The following FLRT1 variants were observed in gnomAD, a reference collection of about 807,000 sequenced individuals.
The protein encoded by FLRT1 is leucine-rich repeat transmembrane protein FLRT1.
Under a neutral mutation model 30.9 loss-of-function variants are expected in FLRT1, and 14 were observed. The ratio of observed to expected loss-of-function variants is 0.45; its 90% CI spans 0.30 to 0.71. The LOEUF (loss-of-function observed/expected upper bound fraction) is 0.71, where lower values mean the gene tolerates loss of function less well. FLRT1 is among the 30% of genes least tolerant of loss of function. FLRT1 has a pLI of 0.08. For synonymous variants in FLRT1, 368 were observed against 430.4 expected (o/e 0.85, Z 1.80); for missense variants, 737 against 949.2 (o/e 0.78, Z 2.94).
chr11:64,099,037 C>T (rs1184852736), intron 1 of FLRT1, among the ~76,000 whole-genome samples: 1 of 152,214 alleles, frequency 6.6e-6, no homozygotes, highest in African/African-American at 2.4e-5. Flanking sequence ...GTTTCTACTT[C>T]GGGAGGAAGC....
chr11:64,095,562 T>C (rs2134538951), intron 1 of FLRT1, among the ~76,000 whole-genome samples: 1 of 151,874 alleles, frequency 6.6e-6, no homozygotes, highest in East Asian at 1.9e-4. Context: ...GCAGAGCTGG[T>C]GGGAGGGAAG....
At chr11:64,044,765 C>T (rs320139) in intron 1 of FLRT1, among the ~76,000 whole-genome samples, 1,765 of 152,210 alleles carry the variant, frequency 0.012, 29 homozygotes, top group African/African-American at 0.039. Context: ...ATCTGTCATG[C>T]TCCCCCCTCA....
chr11:64,045,085 G>T (rs909158026), intron 1 of FLRT1, among the ~76,000 whole-genome samples: 1 of 152,240 alleles, frequency 6.6e-6, no homozygotes, highest in African/African-American at 2.4e-5. Flanking sequence ...GGGCTGAGGG[G>T]GAGCAGTCCG....
Position 64,067,479 on chromosome 11 carries a change from G to T in FLRT1, c.-1038+31320G>T, listed in dbSNP as rs900067637. ...AGACGCCCAGCTCAGATAACAGAAGGGAGGAGATAGGTCGGGGACGGGGAC... is the reference window on the plus strand; with the variant it reads ...AGACGCCCAGCTCAGATAACAGAAGTGAGGAGATAGGTCGGGGACGGGGAC... On this transcript the variant is annotated intron_variant, in intron 1 of 2. Coordinates refer to ENST00000682287, the MANE Select transcript of FLRT1 (RefSeq NM_013280.5). This position sits in a 1 kb window ranked among gnomAD's most constrained non-coding sequence, Gnocchi z 4.6. Among the ~76,000 whole-genome samples, 2 of 152,142 alleles carry T rather than the reference G, an allele frequency of 1.3e-5. No homozygotes were observed. Among genetic ancestry groups the T allele is most frequent in the African/African-American group, 4.8e-5 (2 of 41,424 alleles).
At position 64,116,314 on chromosome 11, in the gene FLRT1, CCACTGT is replaced by C; in HGVS notation, c.51_56del (p.Val18_Thr19del). On this transcript the variant is annotated inframe_deletion, in exon 3 of 3. Coordinates refer to ENST00000682287, the MANE Select transcript of FLRT1 (RefSeq NM_013280.5). The stretch of plus-strand genomic sequence containing the variant: ...GCCACTGCCACCACCACGCCCACTG[CCACTGT>C]CACGGCCACCGTTGTGATGACCACG... 1 of 1,608,634 alleles carries C rather than the reference CCACTGT, an allele frequency of 6.2e-7. No individual in the cohort carries two copies.
At chr11:64,085,343 C>T (rs1944374660) in intron 1 of FLRT1, among the ~76,000 whole-genome samples, 1 of 152,186 alleles carries the variant, frequency 6.6e-6, no homozygotes, top group Admixed American at 6.5e-5. Flanking sequence ...GCCCGCTGCT[C>T]CCACCCCAAA....
At chr11:64,105,062 C>T (rs902341674) in intron 2 of FLRT1, among the ~76,000 whole-genome samples, 17 of 152,236 alleles carry the variant, frequency 1.1e-4, no homozygotes, top group African/African-American at 2.4e-4. Context: ...TTCGTCAGCA[C>T]GGCGCAGCAT....
chr11:64,037,844 T>C (rs186236812), intron 1 of FLRT1, among the ~76,000 whole-genome samples: 162 of 152,334 alleles, frequency 1.1e-3, no homozygotes, highest in African/African-American at 3.6e-3. Context: ...TCCACCTCCC[T>C]GTGCCTCAGT....
chr11:64,037,732 A>C (rs1424780596), intron 1 of FLRT1, among the ~76,000 whole-genome samples: 1 of 152,158 alleles, frequency 6.6e-6, no homozygotes. Context: ...CCCTGACCCC[A>C]GCATGGAGGC....
At position 64,117,831 on chromosome 11, in the gene FLRT1, C is replaced by T. The variant is rs759608183; in HGVS notation, c.1564C>T (p.Pro522Ser). Residue 522 changes from proline (P) to serine (S), a missense_variant, in exon 3 of 3, where the codon CCC becomes TCC. By Grantham distance (74) the Pro-to-Ser change is moderately conservative. Coordinates refer to ENST00000682287, the MANE Select transcript of FLRT1 (RefSeq NM_013280.5). ...TSNAYVADET[P>S]VCAKAETADS... Reference sequence around the variant, plus strand: ...CAATGCCTACGTAGCTGATGAGACACCCGTGTGTGCCAAGGCAGAGACAGC... The same window carrying T: ...CAATGCCTACGTAGCTGATGAGACATCCGTGTGTGCCAAGGCAGAGACAGC... 1.2e-6 allele frequency: 2 copies of T among 1,614,208 alleles called. No homozygotes were observed. Among genetic ancestry groups the T allele is most frequent in the Non-Finnish European group, 1.7e-6 (2 of 1,180,046 alleles).
chr11:64,080,529 T>C (rs1944284515), intron 1 of FLRT1, among the ~76,000 whole-genome samples: 1 of 152,014 alleles, frequency 6.6e-6, no homozygotes, highest in South Asian at 2.1e-4. Flanking sequence ...GGGACAAAAA[T>C]AAGCACCTAA....
chr11:64,079,220 C>T lies in FLRT1; in HGVS notation c.-1037-23974C>T, dbSNP rs567390892. Among the ~76,000 whole-genome samples the T allele has an allele frequency of 2.1e-3, 321 of 151,828 alleles. 1 individual carries two copies. Among genetic ancestry groups the T allele is most frequent in the Non-Finnish European group, 1.7e-3 (114 of 67,888 alleles). On this transcript the variant is annotated intron_variant, in intron 1 of 2. Transcript: ENST00000682287. ...GGAAGAGGGTGTGTAGGGAGCCCCA[C>T]GGCCCCTTCCTGCTCTGGCATGTGG... is the stretch of plus-strand genomic sequence containing the variant.
At chr11:64,049,146 G>A (rs1434911765) in intron 1 of FLRT1, among the ~76,000 whole-genome samples, 1 of 152,194 alleles carries the variant, frequency 6.6e-6, no homozygotes, top group Non-Finnish European at 1.5e-5. Context: ...AAGTGACAGA[G>A]CCCCTGAGAG....
At chr11:64,070,078 C>T (rs1944078761) in intron 1 of FLRT1, among the ~76,000 whole-genome samples, 1 of 152,170 alleles carries the variant, frequency 6.6e-6, no homozygotes, top group African/African-American at 2.4e-5. Context: ...TCTTAATCCT[C>T]AGGGCAGCAT....
intron 1 of FLRT1, among the ~76,000 whole-genome samples, chr11:64,073,830 A>G (rs1022943416): frequency 2.6e-5 from 4 of 152,068 alleles, no homozygotes; most frequent in Non-Finnish European, 5.9e-5. Context: ...AGGGGGGCCC[A>G]CAGCCCCCAG....
At chr11:64,069,465 G>C (rs1361919182) in intron 1 of FLRT1, among the ~76,000 whole-genome samples, 2 of 152,224 alleles carry the variant, frequency 1.3e-5, no homozygotes, top group South Asian at 4.1e-4. Context: ...CAAGCTGCTG[G>C]CCAGTCTGGT....
intron 2 of FLRT1, among the ~76,000 whole-genome samples, chr11:64,112,035 C>T (rs953453184): frequency 6.6e-6 from 1 of 152,202 alleles, no homozygotes; most frequent in African/African-American, 2.4e-5. Context: ...ATCCAGACCC[C>T]ACCTCCTTCT....
At chr11:64,050,274 G>T (rs1405384930) in intron 1 of FLRT1, among the ~76,000 whole-genome samples, 1 of 152,148 alleles carries the variant, frequency 6.6e-6, no homozygotes, top group Non-Finnish European at 1.5e-5. Flanking sequence ...CGAGAGATGA[G>T]TGGCTCCCCA....
intron 1 of FLRT1, among the ~76,000 whole-genome samples, chr11:64,050,119 C>T (rs1943664648): frequency 1.3e-5 from 2 of 152,186 alleles, no homozygotes; most frequent in Admixed American, 6.5e-5. Flanking sequence ...GGTCCTTATG[C>T]CCCACAGGGA....
Sources: gnomAD v4.1 joint callset for allele counts (sites outside exome capture counted in the v4.1 genomes callset) on GRCh38, gnomAD v4.1.1 for gene constraint, Gnocchi (gnomAD v3.1) non-coding constraint, MANE v1.5 for transcripts, NCBI Gene and HGNC (gene_info 2026-07-23, HGNC 2026-07-21) for gene names.